CC2D2B: variants seen among roughly 807,000 people sequenced by gnomAD.
CC2D2B encodes coiled-coil and C2 domain containing 2B.
CC2D2B carries 128 observed loss-of-function variants against 161.2 expected under a neutral mutation model. That is an observed-to-expected ratio of 0.79 (90% CI 0.69 to 0.92). The LOEUF (loss-of-function observed/expected upper bound fraction) is 0.92, where lower values mean the gene tolerates loss of function less well. Ranked by LOEUF, CC2D2B falls within the 40% of genes least tolerant of loss-of-function variation. The pLI, the probability that CC2D2B is intolerant of heterozygous loss-of-function variation, is 0.00. For missense variants in CC2D2B, 1,173 were observed against 1,375.1 expected (o/e 0.85, Z 2.32); for synonymous variants, 391 against 449.8 (o/e 0.87, Z 1.65).
At chr10:95,963,014 A>G (rs1044690093) in intron 12 of CC2D2B, among the ~76,000 whole-genome samples, 5 of 152,006 alleles carry the variant, frequency 3.3e-5, no homozygotes, top group African/African-American at 7.2e-5. Context: ...TGTTGCCACT[A>G]TTCTGAACTC....
At chr10:95,999,088 A>G (rs567893567) in intron 24 of CC2D2B, among the ~76,000 whole-genome samples, 1 of 152,310 alleles carries the variant, frequency 6.6e-6, no homozygotes, top group East Asian at 1.9e-4. Flanking sequence ...CTCAAAGAAA[A>G]AAACAAAAAA....
chr10:95,950,658 G>A (rs1372151491), intron 10 of CC2D2B: 1 of 152,108 alleles, frequency 6.6e-6, no homozygotes, highest in Non-Finnish European at 1.5e-5. Flanking sequence ...TATTTTGATA[G>A]TATGTCTCAT....
chr10:96,019,898 CTTA>C (rs2079379750), intron 32 of CC2D2B, 74 bp downstream of exon 32: 2 of 1,345,334 alleles, frequency 1.5e-6, no homozygotes, highest in Non-Finnish European at 2.0e-6. Context: ...TGTGACAGCT[CTTA>C]TTATGTTTTA....
At chr10:95,922,807 T>C (rs972294528) in intron 3 of CC2D2B, among the ~76,000 whole-genome samples, 2 of 152,160 alleles carry the variant, frequency 1.3e-5, no homozygotes, top group African/African-American at 4.8e-5. Flanking sequence ...CTTTTTTTTT[T>C]CTTTTTTAAG....
At position 95,988,323 on chromosome 10, in the gene CC2D2B, C is replaced by T. The variant is rs903620055; in HGVS notation, c.2360C>T (p.Ser787Phe). The change falls in exon 20 of 35, where the codon TCT becomes TTT. Residue 787 changes from serine to phenylalanine, a missense_variant. This residue lies in a region of CC2D2B where 277 missense variants were observed against 420.6 expected (regional missense o/e 0.66). Transcript: ENST00000646931. ...VNSITAQRIN[S>F]ANFLKKVRRL... Reference sequence around the variant, plus strand: ...TCTATTACAGCACAAAGGATTAATTCTGCCAATTTTCTGAAAAAGGTAACA... The same window carrying T: ...TCTATTACAGCACAAAGGATTAATTTTGCCAATTTTCTGAAAAAGGTAACA... The T allele has an allele frequency of 2.6e-5, 32 of 1,226,442 alleles. No individual in the cohort carries two copies. In the African/African-American group the frequency reaches 4.2e-4, roughly 16 times the overall value. The allele number at this position is 1,226,442 out of a possible 1,614,324, so 76.0% of individuals were successfully genotyped here.
rs773140753 is a variant in CC2D2B, at chr10:95,974,144, C to A, written c.1931C>A (p.Ser644Tyr). The A allele has an allele frequency of 4.9e-6, 6 of 1,229,042 alleles. No homozygotes were observed. The highest frequency in any genetic ancestry group is 4.7e-5 in the African/African-American group (3 of 64,310). The allele number at this position is 1,229,042 out of a possible 1,614,324, so 76.1% of individuals were successfully genotyped here. A position where few individuals can be genotyped will look rare whatever the true frequency, so the allele number is the denominator to read the frequency against. ...PLIPMPQSLRSSYCSMLRNVD... is the reference protein window; with the variant it reads ...PLIPMPQSLRYSYCSMLRNVD... ...ATACCTATGCCACAATCATTAAGATCTTCTTACTGCAGGTAATAAACTTTT... is the reference window on the plus strand; with the variant it reads ...ATACCTATGCCACAATCATTAAGATATTCTTACTGCAGGTAATAAACTTTT... Residue 644 changes from serine (S) to tyrosine (Y), a missense_variant, in exon 17 of 35, where the codon TCT becomes TAT. Physicochemically the swap from Ser to Tyr is moderately radical, Grantham distance 144. Coordinates refer to ENST00000646931, the MANE Select transcript of CC2D2B (RefSeq NM_001349008.3).
At chr10:96,010,579 A>G (rs1209241312) in intron 26 of CC2D2B, among the ~76,000 whole-genome samples, 2 of 152,168 alleles carry the variant, frequency 1.3e-5, no homozygotes, top group Non-Finnish European at 2.9e-5. Context: ...TAATAGAGGT[A>G]TGAGATAGGT....
At chr10:95,911,421 G>C (rs1424149491) in intron 2 of CC2D2B, 62 bp downstream of exon 2, 1 of 218,486 alleles carries the variant, frequency 4.6e-6, no homozygotes, top group Non-Finnish European at 8.8e-6. Context: ...TGTAAATGGG[G>C]GATAATCCTG....
intron 5 of CC2D2B, among the ~76,000 whole-genome samples, chr10:95,925,801 G>A (rs2098537331): frequency 6.6e-6 from 1 of 152,176 alleles, no homozygotes; most frequent in African/African-American, 2.4e-5. Context: ...CTAGCAAAAG[G>A]GAAGTGGGGA....
At chr10:95,969,305 C>T (rs1221611752) in intron 15 of CC2D2B, among the ~76,000 whole-genome samples, 1 of 152,096 alleles carries the variant, frequency 6.6e-6, no homozygotes, top group African/African-American at 2.4e-5. Flanking sequence ...TGTTCTTCCT[C>T]CTTTTTTGGA....
intron 24 of CC2D2B, among the ~76,000 whole-genome samples, chr10:95,999,341 G>A (rs933776961): frequency 6.6e-6 from 1 of 151,994 alleles, no homozygotes; most frequent in Non-Finnish European, 1.5e-5. Context: ...CTATTATATG[G>A]ATGTATCACA....
chr10:95,920,345 T>C (rs1312536261), intron 2 of CC2D2B: 1 of 157,588 alleles, frequency 6.3e-6, no homozygotes, highest in Non-Finnish European at 1.4e-5. Flanking sequence ...CTTCTTCACA[T>C]GGTGGCAGGA....
intron 6 of CC2D2B, among the ~76,000 whole-genome samples, chr10:95,936,733 G>A (rs2075835257): frequency 6.6e-6 from 1 of 152,046 alleles, no homozygotes; most frequent in Non-Finnish European, 1.5e-5. Flanking sequence ...AAAAATATAG[G>A]CAGATTGGGT....
intron 34 of CC2D2B, among the ~76,000 whole-genome samples, chr10:96,029,817 G>GT (rs5787169): frequency 4.0e-4 from 58 of 144,814 alleles, no homozygotes; most frequent in South Asian, 6.6e-4. Context: ...TTGTTGTTTT[G>GT]TTTTTTTTTT....
rs369797565 is a variant in CC2D2B at position 96,011,752 on chromosome 10, T to TACAC, written c.3046-411_3046-408dup. On this transcript the variant is annotated intron_variant, in intron 26 of 34. Coordinates refer to ENST00000646931, the MANE Select transcript of CC2D2B (RefSeq NM_001349008.3). ...CCTCTTACACACACGCACACACACA[T>TACAC]ACACACACACACACACACACACACA... 1.3e-3 allele frequency among the ~76,000 whole-genome samples: 191 copies of TACAC among 148,132 alleles called. 2 individuals carry two copies. Among genetic ancestry groups the TACAC allele is most frequent in the East Asian group, 0.012 (62 of 5,058 alleles).
chr10:96,019,776 G>A lies in CC2D2B; in HGVS notation c.3840G>A (p.Lys1280=), dbSNP rs774762639. The A allele has an allele frequency of 1.1e-5, 17 of 1,603,754 alleles. No individual in the cohort carries two copies. Among genetic ancestry groups the A allele is most frequent in the Admixed American group, 1.8e-5 (1 of 57,064 alleles). The change falls in exon 32 of 35, where the codon AAG becomes AAA. Residue 1280 remains lysine, a synonymous_variant. Coordinates refer to ENST00000646931, the MANE Select transcript of CC2D2B (RefSeq NM_001349008.3). Reference sequence around the variant, plus strand: ...ACTATTCAAAGGAAAGTTTCTGGAAGCAGTTGCTTCCAAAAAACGTTCAAG... The same window carrying A: ...ACTATTCAAAGGAAAGTTTCTGGAAACAGTTGCTTCCAAAAAACGTTCAAG... ...FFDYSKESFW[K]QLLPKNVQGT... is the part of the protein sequence containing the mutation.
chr10:95,988,262 C>A lies in CC2D2B; in HGVS notation c.2299C>A (p.Gln767Lys). 5 of 1,214,900 alleles carry A rather than the reference C, an allele frequency of 4.1e-6. No homozygotes were observed. Among genetic ancestry groups the A allele is most frequent in the Non-Finnish European group, 4.1e-6 (4 of 970,710 alleles). 75.3% of individuals were successfully genotyped at this position (1,214,900 alleles called of 1,614,324 possible). A position where few individuals can be genotyped will look rare whatever the true frequency, so the allele number is the denominator to read the frequency against. ...PDLVFQEYES[Q>K]KEKEVSVSDV... ...ATTCTGTATTTAGGAGTATGAAAGT[C>A]AGAAAGAGAAGGAGGTATCCGTTTC... The change falls in exon 20 of 35, where the codon CAG (glutamine) becomes AAG (lysine). Residue 767 changes from glutamine to lysine, a missense_variant. Coordinates refer to ENST00000646931, the MANE Select transcript of CC2D2B (RefSeq NM_001349008.3).
At chr10:95,948,364 T>C (rs1356442500) in intron 9 of CC2D2B, among the ~76,000 whole-genome samples, 2 of 93,114 alleles carry the variant, frequency 2.1e-5, no homozygotes, top group Non-Finnish European at 2.1e-5. Flanking sequence ...TATCTACAAC[T>C]ATCTGATCTT....
chr10:96,025,595 G>A (rs1486291571), intron 33 of CC2D2B, among the ~76,000 whole-genome samples: 4 of 152,116 alleles, frequency 2.6e-5, no homozygotes, highest in African/African-American at 4.8e-5. Context: ...TAAATGACCC[G>A]TGACTTGACA....
Sources: gnomAD v4.1 joint callset for allele counts (sites outside exome capture counted in the v4.1 genomes callset) on GRCh38, gnomAD v4.1.1 for gene constraint, gnomAD v4.1.1 regional missense constraint, MANE v1.5 for transcripts, NCBI Gene and HGNC (gene_info 2026-07-23, HGNC 2026-07-21) for gene names.